PCSK5: variants seen among roughly 807,000 people sequenced by gnomAD.
PCSK5 encodes proprotein convertase subtilisin/kexin type 5.
PCSK5 carries 129 observed loss-of-function variants against 233.2 expected under a neutral mutation model. That is an observed-to-expected ratio of 0.55 (90% confidence interval 0.48 to 0.64). The LOEUF is 0.64. PCSK5 is among the 30% of genes least tolerant of loss of function. The pLI is 0.00. For missense variants in PCSK5, 2,076 were observed against 2,430.1 expected (o/e 0.85, Z 3.06); for synonymous variants, 825 against 879.2 (o/e 0.94, Z 1.09).
At chr9:75,939,251 A>C (rs751806526) in intron 2 of PCSK5, among the ~76,000 whole-genome samples, 9 of 152,198 alleles carry the variant, frequency 5.9e-5, no homozygotes, top group Admixed American at 1.3e-4. Context: ...AGATTCACAG[A>C]CTTCTAACAT....
intron 30 of PCSK5, among the ~76,000 whole-genome samples, chr9:76,316,682 G>A (rs1037562946): frequency 1.4e-5 from 2 of 140,518 alleles, no homozygotes; most frequent in Admixed American, 7.8e-5. Context: ...AGGCTGCAGT[G>A]AGCCATGATC....
At chr9:76,188,754 A>G in intron 18 of PCSK5, 79 bp downstream of exon 18, 1 of 962,370 alleles carries the variant, frequency 1.0e-6, no homozygotes, top group South Asian at 1.4e-5. Flanking sequence ...CACTCATGCA[A>G]CCCACTTGAT....
chr9:76,360,559 A>G lies in PCSK5; in HGVS notation c.*1637A>G, dbSNP rs1830414588. 3 of 152,188 alleles carry G rather than the reference A, an allele frequency of 2.0e-5. No homozygotes were observed. The highest frequency in any genetic ancestry group is 2.9e-5 in the Non-Finnish European group (2 of 68,028). The allele number at this position is 152,188 out of a possible 1,614,324, so 9.4% of individuals were successfully genotyped here. On this transcript the variant is annotated 3_prime_UTR_variant, in exon 38 of 38. Coordinates refer to ENST00000674117, the MANE Select transcript of PCSK5 (RefSeq NM_001372043.1). The stretch of plus-strand genomic sequence containing the variant: ...AATTCATGGATTTTCTTTTTTTAAC[A>G]TAATGTATCACTGACACAGAAAATC...
chr9:76,076,960 A>G (rs1830664934), intron 7 of PCSK5, among the ~76,000 whole-genome samples: 1 of 152,232 alleles, frequency 6.6e-6, no homozygotes, highest in African/African-American at 2.4e-5. Flanking sequence ...TTATTATACT[A>G]TAGTCATCTT....
At chr9:76,345,569 C>T (rs968213975) in intron 35 of PCSK5, among the ~76,000 whole-genome samples, 4 of 151,952 alleles carry the variant, frequency 2.6e-5, no homozygotes, top group Non-Finnish European at 5.9e-5. Flanking sequence ...CAGGCGCCTG[C>T]TGCCACGACC....
chr9:75,987,756 G>A (rs1343028892), intron 3 of PCSK5, among the ~76,000 whole-genome samples: 1 of 152,200 alleles, frequency 6.6e-6, no homozygotes, highest in East Asian at 1.9e-4. Flanking sequence ...GCATTGGAGT[G>A]AGCACTGGCA....
intron 2 of PCSK5, among the ~76,000 whole-genome samples, chr9:75,979,419 G>A (rs1417757377): frequency 6.6e-6 from 1 of 152,156 alleles, no homozygotes; most frequent in Admixed American, 6.5e-5. Context: ...AGTTGGTGGA[G>A]TTGTAGGGAC....
intron 14 of PCSK5, among the ~76,000 whole-genome samples, chr9:76,178,419 T>A (rs1823711468): frequency 6.6e-6 from 1 of 152,208 alleles, no homozygotes; most frequent in Non-Finnish European, 1.5e-5. Context: ...TATCAGGGCC[T>A]ATGTTGATCC....
intron 5 of PCSK5, among the ~76,000 whole-genome samples, chr9:76,061,634 A>G (rs919816640): frequency 2.6e-5 from 4 of 152,182 alleles, no homozygotes; most frequent in African/African-American, 9.6e-5. Context: ...GGAGTTTCCA[A>G]AATAAATAAT....
chr9:76,332,201 A>G lies in PCSK5; in HGVS notation c.4571-232A>G, dbSNP rs535091030. 1.6e-4 allele frequency among the ~76,000 whole-genome samples: 24 copies of G among 152,320 alleles called. No individual in the cohort carries two copies. The South Asian group carries it at 4.4e-3, about 28-fold the overall frequency. ...CACTGATGAGATTTGGGTGGGACAC[A>G]GAGCCAAACCATATCACTGACTTCT... On this transcript the variant is annotated intron_variant, in intron 33 of 37. Coordinates refer to ENST00000674117, the MANE Select transcript of PCSK5 (RefSeq NM_001372043.1).
chr9:76,152,901 C>T (rs990045515), intron 10 of PCSK5, among the ~76,000 whole-genome samples: 3 of 152,214 alleles, frequency 2.0e-5, no homozygotes, highest in Admixed American at 6.5e-5. Flanking sequence ...CTTCTCTCAG[C>T]ACTTCCGGTC....
intron 16 of PCSK5, among the ~76,000 whole-genome samples, chr9:76,183,960 C>A (rs1016085575): frequency 6.6e-6 from 1 of 152,144 alleles, no homozygotes; most frequent in African/African-American, 2.4e-5. Context: ...AATTTGCCAA[C>A]TTTTTTCAAT....
At chr9:76,081,803 G>A (rs868082580) in intron 7 of PCSK5, among the ~76,000 whole-genome samples, 1 of 151,836 alleles carries the variant, frequency 6.6e-6, no homozygotes, top group Admixed American at 6.6e-5. Context: ...TCCTAACCCC[G>A]AGATTTCTTC....
chr9:76,134,329 CAAAG>C (rs2131747027), intron 10 of PCSK5, 117 bp downstream of exon 10: 1 of 596,606 alleles, frequency 1.7e-6, no homozygotes, highest in East Asian at 3.1e-5. Flanking sequence ...TGCTGACAAA[CAAAG>C]AGCTTGATCT....
intron 2 of PCSK5, among the ~76,000 whole-genome samples, chr9:75,963,368 A>G (rs1825437968): frequency 6.6e-6 from 1 of 152,214 alleles, no homozygotes; most frequent in African/African-American, 2.4e-5. Flanking sequence ...AATCTAAGGA[A>G]CTTTTGTGTT....
chr9:76,175,026 C>T lies in PCSK5; in HGVS notation c.1797C>T (p.Ser599=), dbSNP rs759333349. The change falls in exon 14 of 38, where the codon TCC becomes TCT. Residue 599 remains serine (S), a synonymous_variant. Transcript: ENST00000674117. ...GGTCTTTGGTCCTCTACGGCACCTC[C>T]GTGCAGCCATATTCACCAACCAATG... ...KEWSLVLYGT[S]VQPYSPTNEF... is the part of the protein sequence containing the mutation. The T allele has an allele frequency of 9.3e-6, 15 of 1,613,534 alleles. No homozygotes were observed. The East Asian group carries it at 1.3e-4, about 14-fold the overall frequency.
rs142749240 is a variant in PCSK5, at chr9:75,906,286, C to T, written c.192+14913C>T. Among the ~76,000 whole-genome samples, 984 of 152,020 alleles carry T rather than the reference C, an allele frequency of 6.5e-3. 17 individuals are homozygous for T. Among genetic ancestry groups the T allele is most frequent in the African/African-American group, 0.021 (872 of 41,468 alleles). Reference sequence around the variant, plus strand: ...TGTCGCCTAGGCTGGAGTGCAGTGGCGCAATCTCGGCTCACTGCAGCCTCC... The same window carrying T: ...TGTCGCCTAGGCTGGAGTGCAGTGGTGCAATCTCGGCTCACTGCAGCCTCC... On this transcript the variant is annotated intron_variant, in intron 1 of 37. Transcript: ENST00000674117.
At position 75,891,027 on chromosome 9, in the gene PCSK5, G is replaced by A. The variant is rs1825568680; in HGVS notation, c.-155G>A. On this transcript the variant is annotated 5_prime_UTR_variant, in exon 1 of 38. Transcript: ENST00000674117. ...CGTAAGGCTCGCTGCTCTGCTCCCT[G>A]CCGGGGCTAGCCGCCTCCTGCCGAT... 1 of 594,978 alleles carries A rather than the reference G, an allele frequency of 1.7e-6. No individual in the cohort carries two copies. Among genetic ancestry groups the A allele is most frequent in the Non-Finnish European group, 2.6e-6 (1 of 381,196 alleles). The allele number at this position is 594,978 out of a possible 1,614,324, so 36.9% of individuals were successfully genotyped here.
chr9:76,293,584 G>A (rs1828343495), intron 25 of PCSK5, among the ~76,000 whole-genome samples: 1 of 152,086 alleles, frequency 6.6e-6, no homozygotes, highest in Non-Finnish European at 1.5e-5. Context: ...CTAGTAGCTG[G>A]GATTATAGGT....
Sources: gnomAD v4.1 joint callset for allele counts (sites outside exome capture counted in the v4.1 genomes callset) on GRCh38, gnomAD v4.1.1 for gene constraint, MANE v1.5 for transcripts, NCBI Gene and HGNC (gene_info 2026-07-23, HGNC 2026-07-21) for gene names.